Variants in TTC7A observed in about 807,000 individuals in gnomAD.
The protein encoded by TTC7A is tetratricopeptide repeat domain 7A, also known as tetratricopeptide repeat protein 7A.
A neutral mutation model predicts 103.7 loss-of-function variants in TTC7A; 110 were observed. The ratio of observed to expected loss-of-function variants is 1.06; its 90% CI spans 0.91 to 1.24. TTC7A has a LOEUF of 1.24. TTC7A is among the 50% of genes most tolerant of loss of function. TTC7A has a pLI of 0.00. For synonymous variants in TTC7A, 521 were observed against 467.9 expected, an observed-to-expected ratio of 1.11 and a Z score of -1.47; for missense variants, 1,340 against 1,116.3, an observed-to-expected ratio of 1.20 and a Z score of -2.86.
At position 46,956,836 on chromosome 2, in the gene TTC7A, C is replaced by A. The variant is rs1671898438; in HGVS notation, c.349-3C>A. On this transcript the variant is annotated splice_polypyrimidine_tract_variant and splice_region_variant and intron_variant, in intron 2 of 19. Transcript: ENST00000319190. Reference sequence around the variant, plus strand: ...CGCTGGTAACATGTCCTTGTCATTTCAGCCACAGTACATGTGTGAGGCCAT... The same window carrying A: ...CGCTGGTAACATGTCCTTGTCATTTAAGCCACAGTACATGTGTGAGGCCAT... 1 of 1,614,128 alleles carries A rather than the reference C, an allele frequency of 6.2e-7. No individual in the cohort carries two copies. Among genetic ancestry groups the A allele is most frequent in the East Asian group, 2.2e-5 (1 of 44,884 alleles).
upstream of TTC7A, among the ~76,000 whole-genome samples, chr2:46,938,808 T>C (rs1670105769): frequency 6.6e-6 from 1 of 151,592 alleles, no homozygotes; most frequent in South Asian, 2.1e-4. Context: ...GGTCAGGAGT[T>C]TGAGACCAGC....
intron 15 of TTC7A, among the ~76,000 whole-genome samples, chr2:47,031,415 C>T (rs549347010): frequency 6.6e-6 from 1 of 152,132 alleles, no homozygotes; most frequent in Non-Finnish European, 1.5e-5. Flanking sequence ...AGGGTCTGAC[C>T]CACTACCGCT....
rs370980173 is a variant in TTC7A, at chr2:47,029,383, A to G, written c.1801A>G (p.Asn601Asp). The G allele has an allele frequency of 3.7e-6, 6 of 1,613,446 alleles. No individual in the cohort carries two copies. The African/African-American group carries it at 5.3e-5, about 14-fold the overall frequency. Residue 601 changes from asparagine (N) to aspartate (D), a missense_variant and splice_region_variant, in exon 15 of 20, where the codon AAC (asparagine) becomes GAC (aspartate). By Grantham distance (23) the Asn-to-Asp change is conservative. Transcript: ENST00000319190. ...CATCACCGAGCACCCTGAGAACTTC[A>G]AGTGAGTGCCCTGGGAACACTCTGG... is the stretch of plus-strand genomic sequence containing the variant. The part of the protein sequence containing the change: ...MAITEHPENF[N>D]LMFTKVKLEQ...
chr2:46,948,489 A>G (rs1429087483), intron 1 of TTC7A, among the ~76,000 whole-genome samples: 1 of 152,226 alleles, frequency 6.6e-6, no homozygotes, highest in Non-Finnish European at 1.5e-5. Flanking sequence ...GTCATGAGGT[A>G]CATAGCAAAG....
intron 19 of TTC7A, among the ~76,000 whole-genome samples, chr2:47,069,910 G>A (rs867235674): frequency 2.0e-5 from 3 of 152,312 alleles, no homozygotes; most frequent in Middle Eastern, 6.8e-3. Flanking sequence ...CTTCCCAGCT[G>A]GAAAGGCTGT....
At chr2:47,073,619 C>T (rs937303555) in intron 19 of TTC7A, 83 bp from the exon 20 acceptor site, 8 of 1,194,338 alleles carry the variant, frequency 6.7e-6, no homozygotes, top group Admixed American at 1.8e-5. Flanking sequence ...TGCTGCCACC[C>T]GTGCACCTGT....
chr2:47,032,610 G>A (rs998845757), intron 15 of TTC7A, among the ~76,000 whole-genome samples: 5 of 151,898 alleles, frequency 3.3e-5, no homozygotes, highest in African/African-American at 1.2e-4. Flanking sequence ...CGAAGCATTT[G>A]GGGATCTGCA....
At chr2:47,057,617 C>T (rs1683425044) in intron 18 of TTC7A, among the ~76,000 whole-genome samples, 1 of 152,174 alleles carries the variant, frequency 6.6e-6, no homozygotes, top group Non-Finnish European at 1.5e-5. Flanking sequence ...GACTCCTGGG[C>T]CCTCAGCTAA....
upstream of TTC7A, among the ~76,000 whole-genome samples, chr2:46,939,200 C>A (rs905086237): frequency 1.3e-5 from 2 of 152,142 alleles, no homozygotes; most frequent in African/African-American, 4.8e-5. Flanking sequence ...AAGGTTCAGA[C>A]TGACCCATCT....
At chr2:46,935,314 A>G (rs1669924236) in intron 2 of TTC7A, among the ~76,000 whole-genome samples, 1 of 152,146 alleles carries the variant, frequency 6.6e-6, no homozygotes, top group South Asian at 2.1e-4. Context: ...GCAGTGAACT[A>G]TGATACTGTT....
At chr2:47,062,173 TA>T (rs1380421267) in intron 19 of TTC7A, among the ~76,000 whole-genome samples, 2 of 152,236 alleles carry the variant, frequency 1.3e-5, no homozygotes, top group Non-Finnish European at 2.9e-5. Context: ...ACATACTCAG[TA>T]ATCATCTGGT....
intron 15 of TTC7A, among the ~76,000 whole-genome samples, chr2:47,043,726 T>C (rs1192578820): frequency 6.6e-6 from 1 of 152,156 alleles, no homozygotes; most frequent in Non-Finnish European, 1.5e-5. Flanking sequence ...CCAGAGTGAC[T>C]GGTGGAGCAC....
chr2:47,046,811 G>T (rs562985986), intron 16 of TTC7A: 1 of 247,114 alleles, frequency 4.0e-6, no homozygotes, highest in East Asian at 1.0e-4. Flanking sequence ...TTTATATATA[G>T]CTTACCAGAA....
chr2:46,939,736 G>A (rs1368766743), upstream of TTC7A, among the ~76,000 whole-genome samples: 1 of 152,176 alleles, frequency 6.6e-6, no homozygotes, highest in African/African-American at 2.4e-5. Context: ...GTGTGTTCTC[G>A]GGTCACCCTA....
At chr2:46,982,048 G>A (rs1674520281) in intron 5 of TTC7A, among the ~76,000 whole-genome samples, 1 of 152,170 alleles carries the variant, frequency 6.6e-6, no homozygotes, top group African/African-American at 2.4e-5. Context: ...GGACAGGCAC[G>A]CACGAGTCCC....
chr2:47,026,230 G>T (rs775526755), intron 14 of TTC7A, among the ~76,000 whole-genome samples: 33 of 152,172 alleles, frequency 2.2e-4, no homozygotes, highest in Non-Finnish European at 4.1e-4. Flanking sequence ...CTGGCTGGCC[G>T]GCACAGTGAT....
At chr2:46,923,300 G>T (rs980435520) in intron 2 of TTC7A, among the ~76,000 whole-genome samples, 5 of 152,204 alleles carry the variant, frequency 3.3e-5, no homozygotes, top group Admixed American at 3.3e-4. Flanking sequence ...TGGAGGTGGG[G>T]CTAAGAGTCC....
At chr2:47,011,201 G>A in intron 10 of TTC7A, 130 bp from the exon 11 acceptor site, 3 of 766,766 alleles carry the variant, frequency 3.9e-6, no homozygotes, top group South Asian at 2.0e-5. Flanking sequence ...CTCTGCCCTG[G>A]ACCTCTTCCT....
chr2:47,024,992 C>T (rs1300074280), intron 14 of TTC7A, among the ~76,000 whole-genome samples: 1 of 152,180 alleles, frequency 6.6e-6, no homozygotes, highest in African/African-American at 2.4e-5. Context: ...CAGGCTGGCG[C>T]TCTGGGCATG....
Sources: allele counts gnomAD v4.1 joint callset (sites outside exome capture counted in the v4.1 genomes callset), GRCh38; gene constraint gnomAD v4.1.1; transcripts MANE v1.5; gene names NCBI Gene and HGNC (gene_info 2026-07-23, HGNC 2026-07-21).